SPON1: variants seen among roughly 807,000 people sequenced by gnomAD.
SPON1 encodes spondin-1.
A neutral mutation model predicts 111.7 loss-of-function variants in SPON1; 52 were observed. The ratio of observed to expected loss-of-function variants is 0.47; its 90% CI spans 0.37 to 0.59. SPON1 has a LOEUF of 0.59. Among genes scored for constraint, SPON1 ranks in the 20% least tolerant of loss-of-function variants. The pLI is 0.00. For synonymous variants in SPON1, 410 were observed against 395.8 expected, an observed-to-expected ratio of 1.04 and a Z score of -0.43; for missense variants, 957 against 1,068.5, an observed-to-expected ratio of 0.90 and a Z score of 1.46.
intron 6 of SPON1, among the ~76,000 whole-genome samples, chr11:14,221,810 C>T (rs2133907119): frequency 6.6e-6 from 1 of 152,326 alleles, no homozygotes; most frequent in African/African-American, 2.4e-5. Context: ...CCACCTCATT[C>T]TCATCACCTC....
Position 14,259,725 on chromosome 11 carries a change from TGGA to T in SPON1, c.1831+30_1831+32del. On this transcript the variant is annotated intron_variant, in intron 13 of 15. Coordinates refer to ENST00000576479, the MANE Select transcript of SPON1 (RefSeq NM_006108.4). This position sits in a 1 kb window ranked among gnomAD's most constrained non-coding sequence, Gnocchi z 5.0. ...CCGTGAGTGAGAGCGGGGGTGGACTTGGAGGAGGCCACTGGGGACAGGCGTGGA... is the reference window on the plus strand; with the variant it reads ...CCGTGAGTGAGAGCGGGGGTGGACTTGGAGGCCACTGGGGACAGGCGTGGA... 1.9e-6 allele frequency: 3 copies of T among 1,560,692 alleles called. No homozygotes were observed. Among genetic ancestry groups the T allele is most frequent in the South Asian group, 2.4e-5 (2 of 83,720 alleles).
At chr11:14,012,873 A>G (rs1554913873) in intron 2 of SPON1, among the ~76,000 whole-genome samples, 4 of 152,224 alleles carry the variant, frequency 2.6e-5, no homozygotes, top group African/African-American at 7.2e-5. Flanking sequence ...TTTGTTGAAC[A>G]AAAGGATGGC....
Position 14,082,986 on chromosome 11 carries a change from G to A in SPON1, c.676+2965G>A, listed in dbSNP as rs117626144. Among the ~76,000 whole-genome samples, 807 of 152,200 alleles carry A rather than the reference G, an allele frequency of 5.3e-3. 3 individuals are homozygous for A. Among genetic ancestry groups the A allele is most frequent in the Non-Finnish European group, 8.8e-3 (601 of 68,010 alleles). On this transcript the variant is annotated intron_variant, in intron 5 of 15. Coordinates refer to ENST00000576479, the MANE Select transcript of SPON1 (RefSeq NM_006108.4). Reference sequence around the variant, plus strand: ...GCTTTTGTATGCTTAAAAAATCTTTGAGGATCCCAACATAAGTGGTTTATA... The same window carrying A: ...GCTTTTGTATGCTTAAAAAATCTTTAAGGATCCCAACATAAGTGGTTTATA...
At chr11:14,155,885 A>C (rs1329890338) in intron 6 of SPON1, among the ~76,000 whole-genome samples, 5 of 129,632 alleles carry the variant, frequency 3.9e-5, no homozygotes, top group Non-Finnish European at 3.5e-5. Flanking sequence ...ACATTTTCTT[A>C]ATCCAGTCTA....
chr11:14,117,270 T>A (rs1423241329), intron 5 of SPON1, among the ~76,000 whole-genome samples: 1 of 152,224 alleles, frequency 6.6e-6, no homozygotes, highest in Non-Finnish European at 1.5e-5. Context: ...CCCAATCTCA[T>A]GGGGAAAGCT....
intron 5 of SPON1, among the ~76,000 whole-genome samples, chr11:14,113,301 A>C (rs1239134746): frequency 2.6e-5 from 4 of 152,212 alleles, no homozygotes; most frequent in African/African-American, 9.6e-5. Flanking sequence ...GGGACAAACC[A>C]GCCACCAGCT....
In SPON1 at chr11:14,155,843, G is replaced by C. The variant is rs201801634; in HGVS notation, c.825+20275G>C. 1.6e-5 allele frequency among the ~76,000 whole-genome samples: 2 copies of C among 125,062 alleles called. 1 individual carries two copies. The highest frequency in any genetic ancestry group is 5.6e-5 in the African/African-American group (2 of 35,744). The allele number at this position is 125,062 out of a possible 152,430, so 82.0% of individuals were successfully genotyped here. ...AGGACATGAACTCATCATTTTTTAT[G>C]GCTGCATAGTATTCCATGGTGTATA... On this transcript the variant is annotated intron_variant, in intron 6 of 15. Coordinates refer to ENST00000576479, the MANE Select transcript of SPON1 (RefSeq NM_006108.4).
intron 4 of SPON1, among the ~76,000 whole-genome samples, chr11:14,079,498 C>T (rs1554921831): frequency 6.6e-6 from 1 of 152,098 alleles, no homozygotes; most frequent in African/African-American, 2.4e-5. Flanking sequence ...AGAAAGCACA[C>T]ATGTGTATTC....
intron 6 of SPON1, among the ~76,000 whole-genome samples, chr11:14,164,116 A>C (rs555822103): frequency 2.0e-5 from 3 of 152,326 alleles, no homozygotes; most frequent in African/African-American, 7.2e-5. Context: ...GCCAAGGCAA[A>C]AGAGCCACAG....
intron 5 of SPON1, among the ~76,000 whole-genome samples, chr11:14,100,008 C>T (rs782072181): frequency 8.3e-4 from 127 of 152,250 alleles, no homozygotes; most frequent in Non-Finnish European, 1.4e-3. Context: ...CCACCTGATC[C>T]GATCACCTCC....
Position 13,982,858 on chromosome 11 carries a change from G to T in SPON1, c.250G>T (p.Ala84Ser), listed in dbSNP as rs1554909851. The change falls in exon 2 of 16, where the codon GCT (alanine) becomes TCT (serine). Residue 84 changes from alanine to serine, a missense_variant. This residue lies in a region of SPON1 where 262 missense variants were observed against 253.9 expected (regional missense o/e 1.03). Coordinates refer to ENST00000576479, the MANE Select transcript of SPON1 (RefSeq NM_006108.4). ...TTCTCTCTCTGCAGTAACACTTTCA[G>T]CTGCTCCTCCCTCCTACTTCAGAGG... ...PGTSYRVTLSAAPPSYFRGFT... is the reference protein window; with the variant it reads ...PGTSYRVTLSSAPPSYFRGFT... The T allele has an allele frequency of 6.4e-7, 1 of 1,557,682 alleles. No individual in the cohort carries two copies. The highest frequency in any genetic ancestry group is 1.2e-5 in the South Asian group (1 of 84,338).
chr11:14,124,046 T>C (rs782467701), intron 5 of SPON1, among the ~76,000 whole-genome samples: 2 of 152,206 alleles, frequency 1.3e-5, no homozygotes, highest in African/African-American at 2.4e-5. Context: ...GAGTTGTCTA[T>C]AGACAGGACT....
At chr11:14,213,696 T>C (rs2133903079) in intron 6 of SPON1, among the ~76,000 whole-genome samples, 1 of 152,310 alleles carries the variant, frequency 6.6e-6, no homozygotes, top group South Asian at 2.1e-4. Flanking sequence ...AATAGCCAAA[T>C]AATTGACTAG....
At chr11:14,104,196 T>C (rs1220123926) in intron 5 of SPON1, among the ~76,000 whole-genome samples, 3 of 152,056 alleles carry the variant, frequency 2.0e-5, no homozygotes, top group Non-Finnish European at 4.4e-5. Context: ...ATTATTCCAG[T>C]TGGAAGCATT....
At chr11:14,231,590 A>G (rs1017252888) in intron 6 of SPON1, among the ~76,000 whole-genome samples, 2 of 152,180 alleles carry the variant, frequency 1.3e-5, no homozygotes, top group Admixed American at 1.3e-4. Flanking sequence ...GTTCTTATAT[A>G]TCCTTCCAGA....
intron 6 of SPON1, among the ~76,000 whole-genome samples, chr11:14,173,218 C>T (rs1848129145): frequency 6.6e-6 from 1 of 152,002 alleles, no homozygotes; most frequent in Non-Finnish European, 1.5e-5. Flanking sequence ...CTCTAAACTT[C>T]TCTTCTCACT....
At chr11:13,968,904 A>C (rs1319009023) in intron 1 of SPON1, among the ~76,000 whole-genome samples, 1 of 152,208 alleles carries the variant, frequency 6.6e-6, no homozygotes, top group Non-Finnish European at 1.5e-5. Flanking sequence ...GCCCAGCTAA[A>C]ACTTGAAGAA....
intron 6 of SPON1, among the ~76,000 whole-genome samples, chr11:14,218,506 C>T (rs1158618721): frequency 5.9e-5 from 9 of 152,200 alleles, no homozygotes; most frequent in African/African-American, 2.2e-4. Context: ...CCCCAGCACC[C>T]AGTACACTTA....
At chr11:14,111,815 C>T (rs1168219680) in intron 5 of SPON1, among the ~76,000 whole-genome samples, 2 of 152,068 alleles carry the variant, frequency 1.3e-5, no homozygotes, top group Admixed American at 6.5e-5. Flanking sequence ...TTCATTAGTA[C>T]TTACTTAAGC....
Sources: allele counts gnomAD v4.1 joint callset (sites outside exome capture counted in the v4.1 genomes callset), GRCh38; gene constraint gnomAD v4.1.1; regional missense constraint gnomAD v4.1.1; non-coding constraint Gnocchi (gnomAD v3.1); transcripts MANE v1.5; gene names NCBI Gene and HGNC (gene_info 2026-07-23, HGNC 2026-07-21).